Variants in RETREG1 observed in about 807,000 individuals in gnomAD.
RETREG1 encodes reticulophagy regulator 1.
In RETREG1, 44 loss-of-function variants were observed where a neutral mutation model predicts 54.8. The observed-to-expected ratio is 0.80, with a 90% CI of 0.63 to 1.03. The LOEUF (loss-of-function observed/expected upper bound fraction) is 1.03, where lower values mean the gene tolerates loss of function less well. RETREG1 is among the 50% of genes least tolerant of loss of function. The pLI, the probability that RETREG1 is intolerant of heterozygous loss-of-function variation, is 0.00. For synonymous variants in RETREG1, 217 were observed against 238.5 expected, an observed-to-expected ratio of 0.91 and a Z score of 0.83; for missense variants, 554 against 605.1, an observed-to-expected ratio of 0.92 and a Z score of 0.89.
At chr5:16,574,827 G>C (rs551363897) in intron 1 of RETREG1, among the ~76,000 whole-genome samples, 5 of 152,208 alleles carry the variant, frequency 3.3e-5, no homozygotes, top group Non-Finnish European at 4.4e-5. Flanking sequence ...AGCATAGAAA[G>C]ATGGAACAGA....
At chr5:16,613,828 AT>A (rs1449934775) in intron 1 of RETREG1, among the ~76,000 whole-genome samples, 1 of 152,098 alleles carries the variant, frequency 6.6e-6, no homozygotes, top group Non-Finnish European at 1.5e-5. Flanking sequence ...ATAATTTAAG[AT>A]CATTTGAGAA....
intron 3 of RETREG1, among the ~76,000 whole-genome samples, chr5:16,529,559 T>C (rs1740845814): frequency 6.6e-6 from 1 of 152,206 alleles, no homozygotes; most frequent in Non-Finnish European, 1.5e-5. Context: ...TTGCTGTTAA[T>C]GTGGTAATTT....
chr5:16,482,638 C>T (rs893777897), intron 4 of RETREG1, among the ~76,000 whole-genome samples: 3 of 152,030 alleles, frequency 2.0e-5, no homozygotes, highest in East Asian at 1.9e-4. Flanking sequence ...ATTCTATCCA[C>T]GGGTGGATAT....
chr5:16,586,865 G>A (rs555545186), intron 1 of RETREG1, among the ~76,000 whole-genome samples: 1 of 152,334 alleles, frequency 6.6e-6, no homozygotes, highest in African/African-American at 2.4e-5. Context: ...TAAGGCCTTA[G>A]CAGATTCAGT....
Position 16,558,353 on chromosome 5 carries a change from A to C in RETREG1, c.458+7410T>G, listed in dbSNP as rs1479107857. ...CCTTCCATCTTCACCATGGGATGAC[A>C]TATCAAGAAGGCCCTCAAAGATGCA... On this transcript the variant is annotated intron_variant, in intron 3 of 8. Transcript: ENST00000306320. Among the ~76,000 whole-genome samples, 5 of 152,322 alleles carry C rather than the reference A, an allele frequency of 3.3e-5. No homozygotes were observed. In the East Asian group the frequency reaches 9.6e-4, roughly 29 times the overall value.
intron 3 of RETREG1, among the ~76,000 whole-genome samples, chr5:16,497,539 T>C (rs1369563256): frequency 2.0e-5 from 3 of 152,206 alleles, no homozygotes; most frequent in African/African-American, 7.2e-5. Flanking sequence ...CTGGGTAAAG[T>C]CGCCAAGGTC....
At chr5:16,512,415 T>C (rs1740209114) in intron 3 of RETREG1, among the ~76,000 whole-genome samples, 1 of 152,184 alleles carries the variant, frequency 6.6e-6, no homozygotes, top group South Asian at 2.1e-4. Flanking sequence ...ATATACTCTC[T>C]TTCCAAATGT....
chr5:16,488,767 G>A (rs996022071), intron 3 of RETREG1, among the ~76,000 whole-genome samples: 4 of 152,050 alleles, frequency 2.6e-5, no homozygotes, highest in South Asian at 2.1e-4. Flanking sequence ...AACTAAATGC[G>A]GCTCTGGTCC....
intron 1 of RETREG1, 166 bp downstream of exon 1, chr5:16,616,486 G>A (rs1330208322): frequency 2.5e-6 from 3 of 1,197,184 alleles, no homozygotes; most frequent in Non-Finnish European, 3.3e-6. Flanking sequence ...GGAAAGTTGC[G>A]GTGAGTGTCT....
At chr5:16,513,441 C>T (rs1420726928) in intron 3 of RETREG1, among the ~76,000 whole-genome samples, 1 of 152,212 alleles carries the variant, frequency 6.6e-6, no homozygotes, top group Non-Finnish European at 1.5e-5. Flanking sequence ...TCCTTGCACA[C>T]GTTTTAAACC....
intron 2 of RETREG1, among the ~76,000 whole-genome samples, chr5:16,570,608 G>A (rs1008655599): frequency 6.6e-6 from 1 of 152,080 alleles, no homozygotes; most frequent in Non-Finnish European, 1.5e-5. Flanking sequence ...TCCTGTAGAG[G>A]GTGAACATAT....
At chr5:16,508,728 A>T in intron 3 of RETREG1, 2 of 1,559,794 alleles carry the variant, frequency 1.3e-6, no homozygotes, top group Non-Finnish European at 1.7e-6. Context: ...GGAGGAAAAA[A>T]ACCCAGTAGA....
chr5:16,552,413 A>G (rs1741569867), intron 3 of RETREG1, among the ~76,000 whole-genome samples: 1 of 152,210 alleles, frequency 6.6e-6, no homozygotes, highest in Admixed American at 6.5e-5. Context: ...AGGGAAGGAA[A>G]GACTTTGGAG....
chr5:16,568,196 G>C (rs750964289), intron 2 of RETREG1, among the ~76,000 whole-genome samples: 51 of 151,976 alleles, frequency 3.4e-4, no homozygotes, highest in Admixed American at 1.0e-3. Flanking sequence ...CCAGCGAGAG[G>C]ATGTTCACAG....
At chr5:16,479,018 G>T (rs759416108) in intron 5 of RETREG1, 31 bp from the exon 6 acceptor site, 8 of 1,607,558 alleles carry the variant, frequency 5.0e-6, no homozygotes, top group Non-Finnish European at 6.8e-6. Context: ...GAGGTAAAAT[G>T]CCTTTCCTTT....
At chr5:16,531,771 T>G (rs1312223975) in intron 3 of RETREG1, among the ~76,000 whole-genome samples, 1 of 152,174 alleles carries the variant, frequency 6.6e-6, no homozygotes, top group Non-Finnish European at 1.5e-5. Flanking sequence ...GAGGCTTTGC[T>G]CACCAAGCAT....
At chr5:16,565,684 T>A (rs568672717) in intron 3 of RETREG1, 79 bp downstream of exon 3, 1 of 1,451,526 alleles carries the variant, frequency 6.9e-7, no homozygotes, top group Non-Finnish European at 9.7e-7. Flanking sequence ...AAATTCTATT[T>A]CAGAGCTACA....
intron 3 of RETREG1, among the ~76,000 whole-genome samples, chr5:16,507,413 G>A (rs1184382358): frequency 6.6e-6 from 1 of 152,148 alleles, no homozygotes; most frequent in Non-Finnish European, 1.5e-5. Context: ...ATCAACCCAT[G>A]ATCTCAAAAC....
chr5:16,579,000 G>T (rs1236586943), intron 1 of RETREG1, among the ~76,000 whole-genome samples: 2 of 152,174 alleles, frequency 1.3e-5, no homozygotes, highest in East Asian at 3.9e-4. Flanking sequence ...GATTTGGCCA[G>T]GTAGAAAAGA....
Sources: gnomAD v4.1 joint callset for allele counts (sites outside exome capture counted in the v4.1 genomes callset) on GRCh38, gnomAD v4.1.1 for gene constraint, MANE v1.5 for transcripts, NCBI Gene and HGNC (gene_info 2026-07-23, HGNC 2026-07-21) for gene names.